Variants in RAD52 observed in about 807,000 individuals in gnomAD.
The protein encoded by RAD52 is DNA repair protein RAD52 homolog.
In RAD52, 47 loss-of-function variants were observed where a neutral mutation model predicts 55.5. The ratio of observed to expected loss-of-function variants is 0.85; its 90% CI spans 0.67 to 1.08. The LOEUF (loss-of-function observed/expected upper bound fraction) is 1.08, where lower values mean the gene tolerates loss of function less well. RAD52 is among the 50% of genes least tolerant of loss of function. The pLI is 0.00. For synonymous variants in RAD52, 184 were observed against 198.9 expected (o/e 0.92, Z 0.63); for missense variants, 468 against 522.8 (o/e 0.90, Z 1.02).
rs150478680 is a variant in RAD52, at chr12:969,713, C to T, written c.-19+20096G>A. Among the ~76,000 whole-genome samples, 129 of 151,528 alleles carry T rather than the reference C, an allele frequency of 8.5e-4. 1 individual carries two copies. The highest frequency in any genetic ancestry group is 5.2e-3 in the South Asian group (25 of 4,792). On this transcript the variant is annotated intron_variant, in intron 1 of 11. Transcript: ENST00000430095. Reference sequence around the variant, plus strand: ...GGCTGAGGTGGGAGGATATCTTGAGCCCAGGAGTTGAGGCTACAGTGAGCT... The same window carrying T: ...GGCTGAGGTGGGAGGATATCTTGAGTCCAGGAGTTGAGGCTACAGTGAGCT...
At chr12:934,972 G>A (rs756855505) in intron 1 of RAD52, among the ~76,000 whole-genome samples, 23 of 151,922 alleles carry the variant, frequency 1.5e-4, no homozygotes, top group East Asian at 3.9e-4. Flanking sequence ...AAAATTAGCC[G>A]GATGTGGTGG....
chr12:989,139 T>G (rs1280508723), intron 1 of RAD52, among the ~76,000 whole-genome samples: 2 of 152,238 alleles, frequency 1.3e-5, no homozygotes, highest in Non-Finnish European at 2.9e-5. Context: ...GGGAGGGTTC[T>G]GCTCTTCCTT....
At position 944,631 on chromosome 12, in the gene RAD52, CAG is replaced by C. The variant is rs1171078860; in HGVS notation, c.-19+4969_-19+4970del. 2.8e-5 allele frequency among the ~76,000 whole-genome samples: 4 copies of C among 144,668 alleles called. No homozygotes were observed. In the East Asian group the frequency reaches 8.0e-4, roughly 29 times the overall value. The allele number at this position is 144,668 out of a possible 152,430, so 94.9% of individuals were successfully genotyped here. A position where few individuals can be genotyped will look rare whatever the true frequency, so the allele number is the denominator to read the frequency against. On this transcript the variant is annotated intron_variant, in intron 1 of 11. Transcript: ENST00000358495. ...GGTAAAAAAAAAAAAAAAAAAAACT[CAG>C]GGGTAGAAGGGAGAGAGCCTGGACT...
At chr12:958,818 G>A (rs1958646686) in intron 1 of RAD52, among the ~76,000 whole-genome samples, 1 of 152,140 alleles carries the variant, frequency 6.6e-6, no homozygotes, top group Admixed American at 6.6e-5. Flanking sequence ...CACTCAGCTA[G>A]GATGGAGGCT....
intron 1 of RAD52, chr12:976,324 A>G (rs559772926): frequency 3.3e-5 from 5 of 152,392 alleles, no homozygotes; most frequent in South Asian, 4.1e-4. Context: ...CTTCTCAAAA[A>G]AAAAGCCCCA....
chr12:967,275 AG>A (rs1356620509), intron 1 of RAD52, among the ~76,000 whole-genome samples: 1 of 151,328 alleles, frequency 6.6e-6, no homozygotes, highest in Non-Finnish European at 1.5e-5. Context: ...GCTATTTGGG[AG>A]GCTGAGGTGG....
At chr12:944,863 G>A (rs1207301561) in intron 1 of RAD52, among the ~76,000 whole-genome samples, 2 of 150,130 alleles carry the variant, frequency 1.3e-5, no homozygotes, top group Admixed American at 6.7e-5. Flanking sequence ...TATTATATGT[G>A]GAGGGCTGAA....
At chr12:936,672 T>C (rs1480648756) in intron 1 of RAD52, 1 of 152,058 alleles carries the variant, frequency 6.6e-6, no homozygotes, top group Non-Finnish European at 1.5e-5. Flanking sequence ...TTTTTTAAAA[T>C]TTTTTTAGAG....
intron 1 of RAD52, among the ~76,000 whole-genome samples, chr12:938,918 C>T (rs1158246464): frequency 6.6e-6 from 1 of 152,090 alleles, no homozygotes; most frequent in African/African-American, 2.4e-5. Flanking sequence ...TGCACCACCA[C>T]AGCTGGTTAG....
At chr12:915,143 CAACA>C (rs1237354655) in intron 9 of RAD52, among the ~76,000 whole-genome samples, 2 of 152,162 alleles carry the variant, frequency 1.3e-5, no homozygotes, top group East Asian at 1.9e-4. Flanking sequence ...GAAAACAAAC[CAACA>C]AACAAAATCT....
chr12:929,492 T>C (rs1957213003), intron 5 of RAD52, among the ~76,000 whole-genome samples: 1 of 152,206 alleles, frequency 6.6e-6, no homozygotes, highest in Non-Finnish European at 1.5e-5. Flanking sequence ...TAAAGTTGAG[T>C]TTCCAAACAC....
chr12:923,573 T>TAA (rs368376156), intron 7 of RAD52, among the ~76,000 whole-genome samples: 55 of 135,432 alleles, frequency 4.1e-4, no homozygotes, highest in Admixed American at 5.2e-4. Context: ...TAAAATAAAT[T>TAA]AAAAAAAAAA....
chr12:939,087 G>GTGTGTGTGTGT (rs751632769), intron 1 of RAD52, among the ~76,000 whole-genome samples: 3,607 of 61,640 alleles, frequency 0.059, 76 homozygotes, highest in African/African-American at 0.12. Flanking sequence ...TGTGTGTGTA[G>GTGTGTGTGTGT]AGAGAGAGAA....
chr12:914,382 T>C (rs539729657), intron 10 of RAD52, 49 bp downstream of exon 10: 11 of 1,605,556 alleles, frequency 6.9e-6, no homozygotes, highest in African/African-American at 2.7e-5. Context: ...ATTCTGTGGC[T>C]ACTAGAAACA....
At chr12:929,398 T>C (rs1957208757) in intron 5 of RAD52, among the ~76,000 whole-genome samples, 2 of 152,220 alleles carry the variant, frequency 1.3e-5, no homozygotes, top group African/African-American at 4.8e-5. Context: ...ACACCTTAAA[T>C]AACTGTGACT....
At chr12:972,086 A>G (rs1958867233) in intron 1 of RAD52, among the ~76,000 whole-genome samples, 1 of 152,198 alleles carries the variant, frequency 6.6e-6, no homozygotes, top group South Asian at 2.1e-4. Flanking sequence ...TATGGGAGGA[A>G]TAAGCACAAA....
At chr12:925,012 GCC>G (rs1956950506) in intron 7 of RAD52, among the ~76,000 whole-genome samples, 1 of 148,380 alleles carries the variant, frequency 6.7e-6, no homozygotes, top group Non-Finnish European at 1.5e-5. Flanking sequence ...GTGCAGTGGT[GCC>G]ATCTCGGCTC....
At chr12:972,720 A>T (rs374864680) in intron 1 of RAD52, among the ~76,000 whole-genome samples, 3 of 145,582 alleles carry the variant, frequency 2.1e-5, no homozygotes, top group African/African-American at 5.1e-5. Context: ...GAGCTGAGAT[A>T]GCACCACTGC....
intron 7 of RAD52, 145 bp downstream of exon 7, chr12:925,305 A>G: frequency 1.4e-6 from 1 of 712,754 alleles, no homozygotes; most frequent in Non-Finnish European, 2.5e-6. Flanking sequence ...TGCTGTCTCT[A>G]ACATTCGAAA....
Sources: gnomAD v4.1 joint callset for allele counts (sites outside exome capture counted in the v4.1 genomes callset) on GRCh38, gnomAD v4.1.1 for gene constraint, MANE v1.5 for transcripts, NCBI Gene and HGNC (gene_info 2026-07-23, HGNC 2026-07-21) for gene names.